PICALM: variants seen among roughly 807,000 people sequenced by gnomAD.
The protein encoded by PICALM is phosphatidylinositol-binding clathrin assembly protein.
Under a neutral mutation model 80.5 loss-of-function variants are expected in PICALM, and 40 were observed. The ratio of observed to expected loss-of-function variants is 0.50; its 90% CI spans 0.39 to 0.65. The LOEUF is 0.65. PICALM is among the 30% of genes least tolerant of loss of function. PICALM has a pLI of 0.00. For synonymous variants in PICALM, 288 were observed against 260.3 expected (o/e 1.11, Z -1.02); for missense variants, 676 against 778.9 (o/e 0.87, Z 1.57).
intron 8 of PICALM, among the ~76,000 whole-genome samples, chr11:86,004,515 T>G (rs576889671): frequency 5.3e-5 from 8 of 150,116 alleles, no homozygotes; most frequent in South Asian, 2.1e-4. Flanking sequence ...ATACTTACGT[T>G]TTTTTTTTTA....
At chr11:86,048,878 G>C (rs1487009976) in intron 1 of PICALM, among the ~76,000 whole-genome samples, 3 of 150,090 alleles carry the variant, frequency 2.0e-5, no homozygotes, top group East Asian at 2.0e-4. Flanking sequence ...CTGCTAAACT[G>C]TAACTTTTCA....
chr11:86,025,874 T>A (rs2095642419), intron 3 of PICALM, among the ~76,000 whole-genome samples: 1 of 152,178 alleles, frequency 6.6e-6, no homozygotes, highest in Non-Finnish European at 1.5e-5. Context: ...TAGCATGTCT[T>A]GTGTGCCAGG....
intron 1 of PICALM, among the ~76,000 whole-genome samples, chr11:86,058,074 T>C (rs1374945348): frequency 2.6e-4 from 39 of 152,226 alleles, no homozygotes; most frequent in Admixed American, 2.5e-3. Context: ...TAAAAAGACT[T>C]GCCAATCCTC....
chr11:86,040,172 C>A (rs1199273847), intron 1 of PICALM, among the ~76,000 whole-genome samples: 1 of 151,802 alleles, frequency 6.6e-6, no homozygotes, highest in African/African-American at 2.4e-5. Flanking sequence ...TTAGAAAGAT[C>A]TTACACAAAA....
chr11:86,053,732 T>C (rs778354679), intron 1 of PICALM, among the ~76,000 whole-genome samples: 3 of 152,038 alleles, frequency 2.0e-5, no homozygotes, highest in Non-Finnish European at 4.4e-5. Context: ...CATGCCCAAA[T>C]AATTTTTATA....
At chr11:85,994,741 C>T (rs564220286) in intron 12 of PICALM, among the ~76,000 whole-genome samples, 1 of 152,324 alleles carries the variant, frequency 6.6e-6, no homozygotes, top group African/African-American at 2.4e-5. Flanking sequence ...TCTTTTCTGT[C>T]TCCCAGGTTA....
rs1465260255 is a variant in PICALM, at chr11:86,040,014, A to AG, written c.131-8404_131-8403insC. 1.1e-4 allele frequency among the ~76,000 whole-genome samples: 17 copies of AG among 150,790 alleles called. 1 individual carries two copies. Among genetic ancestry groups the AG allele is most frequent in the African/African-American group, 3.9e-4 (16 of 41,106 alleles). Reference sequence around the variant, plus strand: ...GCATGACGCCGTCTCAAAAAAAAAAAAAAAAAAAAAAAAGGCAACAAAATA... The same window carrying AG: ...GCATGACGCCGTCTCAAAAAAAAAAAGAAAAAAAAAAAAAGGCAACAAAATA... On this transcript the variant is annotated intron_variant, in intron 1 of 19. Coordinates refer to ENST00000393346, the MANE Select transcript of PICALM (RefSeq NM_007166.4).
chr11:86,012,546 G>A lies in PICALM; in HGVS notation c.547-154C>T, dbSNP rs541942692. On this transcript the variant is annotated intron_variant, in intron 5 of 19. Transcript: ENST00000393346. ...TCTCTAATACATACATAAAGATCAC[G>A]GTGCAGTAGCTACCATATAAATGAA... Among the ~76,000 whole-genome samples the A allele has an allele frequency of 7.2e-5, 11 of 152,172 alleles. No homozygotes were observed. In the East Asian group the frequency reaches 1.2e-3, roughly 16 times the overall value.
At chr11:86,019,988 C>T (rs867610123) in intron 4 of PICALM, among the ~76,000 whole-genome samples, 8 of 152,112 alleles carry the variant, frequency 5.3e-5, no homozygotes, top group Non-Finnish European at 1.2e-4. Flanking sequence ...CAAGGGTCAT[C>T]GCTGCTGCTA....
At chr11:85,986,683 C>T (rs2094583552) in intron 13 of PICALM, among the ~76,000 whole-genome samples, 1 of 152,152 alleles carries the variant, frequency 6.6e-6, no homozygotes, top group Non-Finnish European at 1.5e-5. Context: ...AGCCACCGCG[C>T]CCGGCCCTCG....
chr11:86,007,247 C>T (rs1592827769), intron 8 of PICALM: 1 of 182,306 alleles, frequency 5.5e-6, no homozygotes, highest in East Asian at 1.3e-4. Context: ...TTTCTAAATT[C>T]AGGTTCCAAA....
intron 1 of PICALM, among the ~76,000 whole-genome samples, chr11:86,054,086 T>G (rs1229823820): frequency 6.6e-6 from 1 of 152,174 alleles, no homozygotes; most frequent in Non-Finnish European, 1.5e-5. Flanking sequence ...CAATAAAAGC[T>G]CAATTCCCAG....
chr11:85,971,746 A>G (rs540349482), intron 19 of PICALM, among the ~76,000 whole-genome samples: 9 of 151,192 alleles, frequency 6.0e-5, no homozygotes, highest in African/African-American at 1.9e-4. Context: ...AAAAAAAAAA[A>G]ACAAAACAAA....
chr11:86,041,273 A>G (rs1348911733), intron 1 of PICALM, among the ~76,000 whole-genome samples: 2 of 152,202 alleles, frequency 1.3e-5, no homozygotes, highest in African/African-American at 4.8e-5. Flanking sequence ...ACAATATTCT[A>G]TTTAGTCTAA....
chr11:85,975,514 T>C (rs1458804566), intron 18 of PICALM, among the ~76,000 whole-genome samples: 1 of 152,018 alleles, frequency 6.6e-6, no homozygotes, highest in Non-Finnish European at 1.5e-5. Flanking sequence ...TTCAAGAAGT[T>C]CTATTTATTG....
chr11:85,986,793 C>G (rs1034790647), intron 13 of PICALM, among the ~76,000 whole-genome samples: 1 of 152,196 alleles, frequency 6.6e-6, no homozygotes. Context: ...CACACATACA[C>G]GCGTGCGCAC....
intron 19 of PICALM, among the ~76,000 whole-genome samples, chr11:85,964,701 G>C (rs998441287): frequency 6.6e-6 from 1 of 152,098 alleles, no homozygotes; most frequent in Non-Finnish European, 1.5e-5. Flanking sequence ...TTTCTTATAA[G>C]GGGTCTCATT....
chr11:85,969,335 C>G (rs1438196816), intron 19 of PICALM, among the ~76,000 whole-genome samples: 1 of 152,148 alleles, frequency 6.6e-6, no homozygotes, highest in Non-Finnish European at 1.5e-5. Context: ...TAAGTAACAG[C>G]TCTCAAAACA....
chr11:85,995,180 T>C (rs1372257999), intron 12 of PICALM, among the ~76,000 whole-genome samples: 1 of 152,226 alleles, frequency 6.6e-6, no homozygotes, highest in Non-Finnish European at 1.5e-5. Flanking sequence ...ACCTTGTTTA[T>C]CACCAACTCA....
Sources: gnomAD v4.1 joint callset for allele counts (sites outside exome capture counted in the v4.1 genomes callset) on GRCh38, gnomAD v4.1.1 for gene constraint, MANE v1.5 for transcripts, NCBI Gene and HGNC (gene_info 2026-07-23, HGNC 2026-07-21) for gene names.